The following RUFY1 variants were observed in gnomAD, a reference collection of about 807,000 sequenced individuals.
The protein encoded by RUFY1 is RUN and FYVE domain containing 1, also known as RUN and FYVE domain-containing protein 1.
Under a neutral mutation model 94.6 loss-of-function variants are expected in RUFY1, and 54 were observed. The observed-to-expected ratio is 0.57, with a 90% CI of 0.46 to 0.72. The LOEUF (loss-of-function observed/expected upper bound fraction) is 0.72, where lower values mean the gene tolerates loss of function less well. Among genes scored for constraint, RUFY1 ranks in the 30% least tolerant of loss-of-function variants. The probability of loss-of-function intolerance (pLI) is 0.00; values close to 1 mark genes in which losing one functional copy is unlikely to be tolerated. For synonymous variants in RUFY1, 396 were observed against 347.3 expected (o/e 1.14, Z -1.56); for missense variants, 883 against 883.9 (o/e 1.00, Z 0.01).
chr5:179,559,524 T>C lies in RUFY1; in HGVS notation c.311-501T>C, dbSNP rs1230934174. Among the ~76,000 whole-genome samples, 10 of 152,256 alleles carry C rather than the reference T, an allele frequency of 6.6e-5. No homozygotes were observed. In the East Asian group the frequency reaches 1.2e-3, roughly 18 times the overall value. ...AAAAGCCTTCTGGGCGGGGTGCGCA[T>C]CCTCCTCCGTCCGGGACAGAGGGTG... On this transcript the variant is annotated intron_variant, in intron 1 of 17. Transcript: ENST00000319449.
At position 179,609,432 on chromosome 5, in the gene RUFY1, G is replaced by A. The variant is rs17355294; in HGVS notation, c.2040G>A (p.Leu680=). 656,266 of 1,612,538 alleles carry A rather than the reference G, an allele frequency of 0.41. 140,225 individuals carry two copies. The highest frequency in any genetic ancestry group is 0.45 in the Non-Finnish European group (530,258 of 1,179,668). ...GCAACACCTGCTCCAGCAACGAGCTGGCCCTGCCCTCCTACCCCAAGCCGG... is the reference window on the plus strand; with the variant it reads ...GCAACACCTGCTCCAGCAACGAGCTAGCCCTGCCCTCCTACCCCAAGCCGG... The part of the protein sequence containing the change: ...IFCNTCSSNE[L]ALPSYPKPVR... The change falls in exon 18 of 18, where the codon CTG becomes CTA. Residue 680 remains leucine, a synonymous_variant. Coordinates refer to ENST00000319449, the MANE Select transcript of RUFY1 (RefSeq NM_025158.5).
chr5:179,584,829 T>C (rs180924325), intron 7 of RUFY1, among the ~76,000 whole-genome samples: 225 of 152,160 alleles, frequency 1.5e-3, no homozygotes, highest in Non-Finnish European at 2.6e-3. Flanking sequence ...GGGGAAGGTG[T>C]AAAAGGGATT....
chr5:179,580,543 GTTTT>G (rs899952426), intron 6 of RUFY1, among the ~76,000 whole-genome samples: 1 of 134,608 alleles, frequency 7.4e-6, no homozygotes, highest in East Asian at 3.2e-4. Context: ...CGCCTGGCCA[GTTTT>G]TTTTGTTTTT....
intron 15 of RUFY1, 174 bp downstream of exon 15, chr5:179,602,160 G>T: frequency 1.7e-6 from 1 of 605,230 alleles, no homozygotes; most frequent in South Asian, 2.0e-5. Flanking sequence ...GCCCAGCACT[G>T]ATCTCTGCTA....
At chr5:179,552,010 A>G (rs1351164135) in intron 1 of RUFY1, among the ~76,000 whole-genome samples, 1 of 151,114 alleles carries the variant, frequency 6.6e-6, no homozygotes, top group Non-Finnish European at 1.5e-5. Flanking sequence ...CTAAAAATAC[A>G]AAAAATTAGC....
chr5:179,598,666 AACTC>A (rs1226032635), intron 13 of RUFY1, 22 bp from the exon 14 acceptor site: 4 of 1,613,882 alleles, frequency 2.5e-6, no homozygotes, highest in Non-Finnish European at 3.4e-6. Context: ...CACTGAGACT[AACTC>A]AAGTTCATTT....
chr5:179,594,653 TG>T (rs1765428725), intron 11 of RUFY1, among the ~76,000 whole-genome samples: 1 of 141,114 alleles, frequency 7.1e-6, no homozygotes, highest in Non-Finnish European at 1.5e-5. Context: ...CCCAGCTACT[TG>T]GGAGGCTGAG....
intron 10 of RUFY1, 95 bp downstream of exon 10, chr5:179,591,836 TCATAGAAAGTCA>T: frequency 6.8e-6 from 5 of 738,066 alleles, no homozygotes; most frequent in Non-Finnish European, 8.6e-6. Context: ...ATCCTGATGG[TCATAGAAAGTCA>T]GAAGCTGTTC....
chr5:179,578,638 G>T (rs1763850286), intron 6 of RUFY1, among the ~76,000 whole-genome samples: 1 of 151,694 alleles, frequency 6.6e-6, no homozygotes, highest in Non-Finnish European at 1.5e-5. Flanking sequence ...TATGTTGTTT[G>T]TTTGTTTGTT....
intron 17 of RUFY1, chr5:179,608,359 A>T: frequency 1.0e-6 from 1 of 985,728 alleles, no homozygotes; most frequent in Non-Finnish European, 1.2e-6. Flanking sequence ...AGTGCCTTGC[A>T]GTAAGCTCAG....
At position 179,609,500 on chromosome 5, in the gene RUFY1, GCTC is replaced by G. The variant is rs1294887856; in HGVS notation, c.2113_2115del (p.Ser705del). 1 of 1,606,126 alleles carries G rather than the reference GCTC, an allele frequency of 6.2e-7. No individual in the cohort carries two copies. Among genetic ancestry groups the G allele is most frequent in the Non-Finnish European group, 8.5e-7 (1 of 1,178,730 alleles). On this transcript the variant is annotated inframe_deletion, in exon 18 of 18. Coordinates refer to ENST00000319449, the MANE Select transcript of RUFY1 (RefSeq NM_025158.5). ...TGCCACACCCTGCTCCTGCAGCGCT[GCTC>G]CTCCACGGCCTCCTGAACGTCCGTC...
chr5:179,579,417 G>A (rs1271718402), intron 6 of RUFY1, among the ~76,000 whole-genome samples: 2 of 151,664 alleles, frequency 1.3e-5, no homozygotes, highest in Non-Finnish European at 2.9e-5. Context: ...TGCAACCTCC[G>A]CCTCCCAGGT....
At chr5:179,577,159 C>CTTT (rs748319712) in intron 6 of RUFY1, 23 bp downstream of exon 6, 3,703 of 186,542 alleles carry the variant, frequency 0.02, 657 homozygotes, top group Non-Finnish European at 0.022. Flanking sequence ...TTGTATGTCA[C>CTTT]TTTTTTTTTT....
intron 13 of RUFY1, 99 bp from the exon 14 acceptor site, chr5:179,598,593 A>C: frequency 7.0e-7 from 1 of 1,422,906 alleles, no homozygotes; most frequent in South Asian, 1.2e-5. Context: ...TCAAGAGGCA[A>C]TTCAGAGACT....
intron 1 of RUFY1, among the ~76,000 whole-genome samples, chr5:179,556,148 C>A (rs890851958): frequency 3.9e-5 from 6 of 151,960 alleles, no homozygotes; most frequent in African/African-American, 1.5e-4. Context: ...ATGTAAATAC[C>A]TTAATGAATT....
intron 1 of RUFY1, among the ~76,000 whole-genome samples, chr5:179,554,115 A>G (rs1761993377): frequency 1.3e-5 from 2 of 152,386 alleles, no homozygotes; most frequent in African/African-American, 4.8e-5. Context: ...CAATGAGGAC[A>G]GGCAGGACTT....
At chr5:179,569,133 G>T in intron 4 of RUFY1, 169 bp from the exon 5 acceptor site, 1 of 985,138 alleles carries the variant, frequency 1.0e-6, no homozygotes, top group Non-Finnish European at 1.2e-6. Context: ...GAGAGGACGG[G>T]AGAAAAAGCA....
chr5:179,559,220 G>A (rs6422328), intron 1 of RUFY1, among the ~76,000 whole-genome samples: 151,655 of 152,386 alleles, frequency 1, 75,468 homozygotes, highest in Middle Eastern at 1. Context: ...GTTTCAGAGA[G>A]CATTTGGCCA....
At chr5:179,564,499 A>C (rs1212422515) in intron 3 of RUFY1, among the ~76,000 whole-genome samples, 1 of 143,618 alleles carries the variant, frequency 7.0e-6, no homozygotes, top group Non-Finnish European at 1.5e-5. Context: ...CTCTCAGCTC[A>C]CTGTAAGCTC....
Sources: gnomAD v4.1 joint callset for allele counts (sites outside exome capture counted in the v4.1 genomes callset) on GRCh38, gnomAD v4.1.1 for gene constraint, MANE v1.5 for transcripts, NCBI Gene and HGNC (gene_info 2026-07-23, HGNC 2026-07-21) for gene names.